Variants in ST3GAL4 observed in about 807,000 individuals in gnomAD.
The protein encoded by ST3GAL4 is ST3 beta-galactoside alpha-2,3-sialyltransferase 4.
In ST3GAL4, 24 loss-of-function variants were observed where a neutral mutation model predicts 42.6. The ratio of observed to expected loss-of-function variants is 0.56; its 90% CI spans 0.41 to 0.79. The LOEUF (loss-of-function observed/expected upper bound fraction) is 0.79, where lower values mean the gene tolerates loss of function less well. Ranked by LOEUF, ST3GAL4 falls within the 30% of genes least tolerant of loss-of-function variation. The pLI, the probability that ST3GAL4 is intolerant of heterozygous loss-of-function variation, is 0.00. For missense variants in ST3GAL4, 311 were observed against 430.8 expected (o/e 0.72, Z 2.46); for synonymous variants, 135 against 163.2 (o/e 0.83, Z 1.32).
At chr11:126,403,726 C>T (rs1271671085) in intron 1 of ST3GAL4, among the ~76,000 whole-genome samples, 1 of 152,138 alleles carries the variant, frequency 6.6e-6, no homozygotes, top group Non-Finnish European at 1.5e-5. Flanking sequence ...TTCGTAAGGT[C>T]CTGAAATGTT....
rs375546465 is a variant in ST3GAL4 at position 126,407,585 on chromosome 11, C to T, written c.292C>T (p.Leu98Phe). Residue 98 changes from leucine to phenylalanine, a missense_variant, in exon 6 of 11, where the codon CTC becomes TTC. Transcript: ENST00000444328. Reference sequence around the variant, plus strand: ...GGTACTTTTTGTAGAGGATCTGCTCCTCCGGGTGCTAGCCATCACCAGCTC... The same window carrying T: ...GGTACTTTTTGTAGAGGATCTGCTCTTCCGGGTGCTAGCCATCACCAGCTC... ...YGTKGSEDLL[L>F]RVLAITSSSI... 4 of 1,614,026 alleles carry T rather than the reference C, an allele frequency of 2.5e-6. No homozygotes were observed. Among genetic ancestry groups the T allele is most frequent in the Non-Finnish European group, 3.4e-6 (4 of 1,180,016 alleles).
chr11:126,383,016 G>A lies in ST3GAL4; in HGVS notation c.-60-23080G>A. 6.6e-6 allele frequency among the ~76,000 whole-genome samples: 1 copy of A among 152,244 alleles called. No individual in the cohort carries two copies. The highest frequency in any genetic ancestry group is 2.1e-4 in the South Asian group (1 of 4,834). ...GACTGGGCACAGGTGCAGAGAGGCT[G>A]AGACAGGCCCAGAGGACAGTGAGTG... On this transcript the variant is annotated intron_variant, in intron 1 of 10. Transcript: ENST00000444328. The surrounding 1 kb of genome is among the most constrained non-coding windows in gnomAD (Gnocchi z 4.5).
intron 1 of ST3GAL4, among the ~76,000 whole-genome samples, chr11:126,368,412 G>A (rs1441636073): frequency 6.6e-6 from 1 of 152,236 alleles, no homozygotes; most frequent in African/African-American, 2.4e-5. Context: ...CAGGCCCTGT[G>A]GCTCCTGTTT....
Position 126,373,304 on chromosome 11 carries a change from T to G in ST3GAL4, c.-61+17462T>G, listed in dbSNP as rs937804192. ...AATTTTGCCTTTAACTTCAGATCCT[T>G]GGGGTGGGTGCATTGCTTCTCCTGG... is the stretch of plus-strand genomic sequence containing the variant. On this transcript the variant is annotated intron_variant, in intron 1 of 10. Transcript: ENST00000444328. The surrounding 1 kb of genome is among the most constrained non-coding windows in gnomAD (Gnocchi z 5.5). Among the ~76,000 whole-genome samples the G allele has an allele frequency of 1.3e-5, 2 of 152,048 alleles. No individual in the cohort carries two copies. Among genetic ancestry groups the G allele is most frequent in the Non-Finnish European group, 2.9e-5 (2 of 67,982 alleles).
rs1361199679 is a variant in ST3GAL4, at chr11:126,355,956, C to G, written c.-61+114C>G. 2 of 151,462 alleles carry G rather than the reference C, an allele frequency of 1.3e-5. No individual in the cohort carries two copies. The highest frequency in any genetic ancestry group is 3.0e-5 in the Non-Finnish European group (2 of 67,780). The allele number at this position is 151,462 out of a possible 1,614,324, so 9.4% of individuals were successfully genotyped here. On this transcript the variant is annotated intron_variant, in intron 1 of 10. Transcript: ENST00000444328. The surrounding 1 kb of genome is among the most constrained non-coding windows in gnomAD (Gnocchi z 7.1). Reference sequence around the variant, plus strand: ...GCCGCGCCTCCCGGAGGGGGTCGGGCCCTGCACGTGGGCGCAGCGCGGGTC... The same window carrying G: ...GCCGCGCCTCCCGGAGGGGGTCGGGGCCTGCACGTGGGCGCAGCGCGGGTC...
At position 126,398,528 on chromosome 11, in the gene ST3GAL4, C is replaced by A. The variant is rs559515122; in HGVS notation, c.-60-7568C>A. The stretch of plus-strand genomic sequence containing the variant: ...CCAGGTTGCTGTTGCACACTGGTAG[C>A]TCTGCAGTTCTGGGGTGTCAGGATG... On this transcript the variant is annotated intron_variant, in intron 1 of 10. Coordinates refer to ENST00000444328, the MANE Select transcript of ST3GAL4 (RefSeq NM_001254757.2). This position sits in a 1 kb window ranked among gnomAD's most constrained non-coding sequence, Gnocchi z 4.7. 8.5e-5 allele frequency among the ~76,000 whole-genome samples: 13 copies of A among 152,336 alleles called. No individual in the cohort carries two copies. The East Asian group carries it at 2.5e-3, about 29-fold the overall frequency.
At position 126,409,515 on chromosome 11, in the gene ST3GAL4, G is replaced by T. The variant is rs575879289; in HGVS notation, c.771+104G>T. The T allele has an allele frequency of 2.0e-5, 30 of 1,503,386 alleles. No individual in the cohort carries two copies. Among genetic ancestry groups the T allele is most frequent in the Non-Finnish European group, 2.4e-5 (26 of 1,103,854 alleles). The allele number at this position is 1,503,386 out of a possible 1,614,324, so 93.1% of individuals were successfully genotyped here. A position where few individuals can be genotyped will look rare whatever the true frequency, so the allele number is the denominator to read the frequency against. On this transcript the variant is annotated intron_variant, in intron 9 of 10. Coordinates refer to ENST00000444328, the MANE Select transcript of ST3GAL4 (RefSeq NM_001254757.2). This position sits in a 1 kb window ranked among gnomAD's most constrained non-coding sequence, Gnocchi z 4.9. ...CCTGGAAGGATCCCATAACAGAGGC[G>T]GCGGTTTGCATTTTCCCTCCAGGAA...
intron 1 of ST3GAL4, among the ~76,000 whole-genome samples, chr11:126,362,750 G>A (rs1007202709): frequency 2.0e-5 from 3 of 152,202 alleles, no homozygotes; most frequent in African/African-American, 7.2e-5. Context: ...CACTCAATTA[G>A]CATCTGTGTT....
chr11:126,389,789 G>A (rs1444551651), intron 1 of ST3GAL4, among the ~76,000 whole-genome samples: 3 of 151,986 alleles, frequency 2.0e-5, no homozygotes, highest in Admixed American at 2.0e-4. Context: ...ATCTTGCTAT[G>A]TTATCCAGGC....
At chr11:126,401,123 G>A (rs1446540265) in intron 1 of ST3GAL4, among the ~76,000 whole-genome samples, 1 of 152,122 alleles carries the variant, frequency 6.6e-6, no homozygotes, top group Non-Finnish European at 1.5e-5. Context: ...TACTAGGATG[G>A]AGTGTGGAAG....
At chr11:126,389,128 T>C (rs1953370135) in intron 1 of ST3GAL4, among the ~76,000 whole-genome samples, 1 of 152,210 alleles carries the variant, frequency 6.6e-6, no homozygotes, top group Admixed American at 6.6e-5. Flanking sequence ...CCTCCCTCTC[T>C]CTCTTGCACT....
intron 1 of ST3GAL4, among the ~76,000 whole-genome samples, chr11:126,394,677 G>A (rs1388149315): frequency 6.6e-6 from 1 of 152,000 alleles, no homozygotes; most frequent in Non-Finnish European, 1.5e-5. Flanking sequence ...TGCCCTCCTC[G>A]GCCTCTCAAA....
chr11:126,394,130 T>C (rs36178456), intron 1 of ST3GAL4, among the ~76,000 whole-genome samples: 15,353 of 152,290 alleles, frequency 0.1, 1,051 homozygotes, highest in Admixed American at 0.2. Context: ...GGGCACTGGC[T>C]GTGCTGGAAG....
intron 1 of ST3GAL4, among the ~76,000 whole-genome samples, chr11:126,360,493 G>A (rs949563116): frequency 2.0e-5 from 3 of 152,256 alleles, no homozygotes; most frequent in Admixed American, 6.5e-5. Context: ...GCGCGATCTC[G>A]GCTAACTGCA....
intron 1 of ST3GAL4, among the ~76,000 whole-genome samples, chr11:126,403,780 G>T (rs1183556155): frequency 2.0e-5 from 3 of 152,166 alleles, no homozygotes; most frequent in Non-Finnish European, 4.4e-5. Flanking sequence ...ACTCAAAAGA[G>T]TAGTTCTAGC....
rs148523914 is a variant in ST3GAL4 at position 126,389,430 on chromosome 11, A to G, written c.-60-16666A>G. ...TTCCCCATCTCCCCAGAATATAATT[A>G]TCACTTAAAGTTGGGTGTCAACCTG... is the stretch of plus-strand genomic sequence containing the variant. On this transcript the variant is annotated intron_variant, in intron 1 of 10. Coordinates refer to ENST00000444328, the MANE Select transcript of ST3GAL4 (RefSeq NM_001254757.2). Among the ~76,000 whole-genome samples the G allele has an allele frequency of 5.7e-3, 873 of 152,332 alleles. 8 individuals are homozygous for G. The highest frequency in any genetic ancestry group is 6.0e-3 in the Non-Finnish European group (409 of 68,030).
intron 1 of ST3GAL4, among the ~76,000 whole-genome samples, chr11:126,404,567 A>G (rs1185602501): frequency 6.6e-6 from 1 of 151,486 alleles, no homozygotes; most frequent in African/African-American, 2.4e-5. Context: ...GGAACGACTC[A>G]GAGATTGCTG....
At position 126,398,121 on chromosome 11, in the gene ST3GAL4, C is replaced by G. The variant is rs1334739831; in HGVS notation, c.-60-7975C>G. ...AAAAGTCCAAAGTCCACAGTCTCATCTAAGTCAGCTGTGGGTAAAACTCAA... is the reference window on the plus strand; with the variant it reads ...AAAAGTCCAAAGTCCACAGTCTCATGTAAGTCAGCTGTGGGTAAAACTCAA... On this transcript the variant is annotated intron_variant, in intron 1 of 10. Transcript: ENST00000444328. This position sits in a 1 kb window ranked among gnomAD's most constrained non-coding sequence, Gnocchi z 4.7. 1.3e-5 allele frequency among the ~76,000 whole-genome samples: 2 copies of G among 152,222 alleles called. No homozygotes were observed. Among genetic ancestry groups the G allele is most frequent in the African/African-American group, 2.4e-5 (1 of 41,462 alleles).
intron 1 of ST3GAL4, among the ~76,000 whole-genome samples, chr11:126,364,875 G>A (rs1591416268): frequency 6.6e-6 from 1 of 151,474 alleles, no homozygotes; most frequent in Non-Finnish European, 1.5e-5. Flanking sequence ...GTGACCAGAC[G>A]TTCTCTCCTG....
Sources: allele counts gnomAD v4.1 joint callset (sites outside exome capture counted in the v4.1 genomes callset), GRCh38; gene constraint gnomAD v4.1.1; non-coding constraint Gnocchi (gnomAD v3.1); transcripts MANE v1.5; gene names NCBI Gene and HGNC (gene_info 2026-07-23, HGNC 2026-07-21).